NUP133: variants seen among roughly 807,000 people sequenced by gnomAD.
NUP133 encodes nucleoporin 133, also known as nuclear pore complex protein Nup133.
Under a neutral mutation model 146.2 loss-of-function variants are expected in NUP133, and 66 were observed. The ratio of observed to expected loss-of-function variants is 0.45; its 90% CI spans 0.37 to 0.55. The LOEUF (loss-of-function observed/expected upper bound fraction) is 0.55. Among genes scored for constraint, NUP133 ranks in the 20% least tolerant of loss-of-function variants. The pLI, the probability that NUP133 is intolerant of heterozygous loss-of-function variation, is 0.00. For synonymous variants in NUP133, 521 were observed against 498.8 expected, an observed-to-expected ratio of 1.04 and a Z score of -0.59; for missense variants, 1,277 against 1,374.8, an observed-to-expected ratio of 0.93 and a Z score of 1.12.
chr1:229,462,248 ATGC>A (rs1168526790), intron 19 of NUP133, among the ~76,000 whole-genome samples: 1 of 152,240 alleles, frequency 6.6e-6, no homozygotes, highest in African/African-American at 2.4e-5. Flanking sequence ...GCCATTAAAA[ATGC>A]TGCTGTAGAA....
At chr1:229,461,758 G>GA (rs1178993127) in intron 19 of NUP133, among the ~76,000 whole-genome samples, 7 of 150,930 alleles carry the variant, frequency 4.6e-5, no homozygotes, top group Non-Finnish European at 7.4e-5. Context: ...TTAAATATAA[G>GA]AAAAAATGCA....
chr1:229,507,431 G>A (rs1470921909), intron 1 of NUP133, among the ~76,000 whole-genome samples: 1 of 152,134 alleles, frequency 6.6e-6, no homozygotes, highest in Non-Finnish European at 1.5e-5. Context: ...TGTGTGTTGG[G>A]GGTGGGGAGG....
intron 25 of NUP133, among the ~76,000 whole-genome samples, chr1:229,443,676 C>T (rs115888913): frequency 0.013 from 1,901 of 151,020 alleles, 20 homozygotes; most frequent in African/African-American, 0.033. Flanking sequence ...AAAAACCGCA[C>T]GCCTTATATA....
intron 1 of NUP133, among the ~76,000 whole-genome samples, chr1:229,506,602 G>T (rs2102790174): frequency 6.6e-6 from 1 of 151,834 alleles, no homozygotes; most frequent in East Asian, 1.9e-4. Flanking sequence ...TCTAGCTTTA[G>T]GTGCTTAAGA....
intron 12 of NUP133, among the ~76,000 whole-genome samples, chr1:229,482,371 C>T (rs1021558338): frequency 6.6e-6 from 1 of 151,930 alleles, no homozygotes; most frequent in Non-Finnish European, 1.5e-5. Flanking sequence ...AAAGATCTGA[C>T]GATAAACTAA....
intron 6 of NUP133, among the ~76,000 whole-genome samples, chr1:229,497,069 T>A (rs1055635412): frequency 6.6e-6 from 1 of 152,234 alleles, no homozygotes. Flanking sequence ...TATACATGAC[T>A]GTTTTGTGTT....
chr1:229,504,584 T>C, intron 2 of NUP133, among the ~76,000 whole-genome samples: 1 of 152,216 alleles, frequency 6.6e-6, no homozygotes, highest in East Asian at 1.9e-4. Context: ...ACACAGCCTC[T>C]GGGATGCTAC....
At chr1:229,481,054 G>A (rs1347732096) in intron 12 of NUP133, among the ~76,000 whole-genome samples, 1 of 151,984 alleles carries the variant, frequency 6.6e-6, no homozygotes, top group Admixed American at 6.6e-5. Context: ...AATTCTGTTT[G>A]TAAGGAGTCT....
intron 19 of NUP133, among the ~76,000 whole-genome samples, chr1:229,461,887 CT>C (rs541886278): frequency 9.6e-4 from 138 of 144,026 alleles, no homozygotes; most frequent in Middle Eastern, 7.1e-3. Flanking sequence ...AACTACTGAC[CT>C]TTTTTTTTTT....
Position 229,508,168 on chromosome 1 carries a change from T to G in NUP133, c.82A>C (p.Thr28Pro). 1 of 1,592,280 alleles carries G rather than the reference T, an allele frequency of 6.3e-7. No homozygotes were observed. ...CCCTTCCTGCTAGCCGTCCGGGGCGTGGAGCCGGGCCCGAGTCCGGCCAGC... is the reference window on the plus strand; with the variant it reads ...CCCTTCCTGCTAGCCGTCCGGGGCGGGGAGCCGGGCCCGAGTCCGGCCAGC... ...GPLAGLGPGSTPRTASRKGLP... is the reference protein window; with the variant it reads ...GPLAGLGPGSPPRTASRKGLP... Residue 28 changes from threonine to proline, a missense_variant, in exon 1 of 26, where the codon ACG becomes CCG. By Grantham distance (38) the Thr-to-Pro change is conservative. Transcript: ENST00000261396.
At chr1:229,486,303 C>T (rs1661344411) in intron 11 of NUP133, 68 bp downstream of exon 11, 1 of 1,379,756 alleles carries the variant, frequency 7.2e-7, no homozygotes, top group Admixed American at 2.6e-5. Flanking sequence ...GCCTGGGTGA[C>T]AGCGTGAGAC....
intron 15 of NUP133, among the ~76,000 whole-genome samples, chr1:229,469,730 TA>T (rs1305453481): frequency 3.3e-5 from 5 of 152,196 alleles, no homozygotes; most frequent in Non-Finnish European, 7.3e-5. Context: ...CTTCTGGCCT[TA>T]TGGCAGGGCC....
At chr1:229,447,417 C>A (rs1660325076) in intron 24 of NUP133, among the ~76,000 whole-genome samples, 1 of 151,826 alleles carries the variant, frequency 6.6e-6, no homozygotes, top group African/African-American at 2.4e-5. Flanking sequence ...TTCTTCTTCA[C>A]CCCACTTCCT....
Position 229,463,567 on chromosome 1 carries a change from G to A in NUP133, c.2661C>T (p.Arg887=), listed in dbSNP as rs748084158. 5 of 1,613,966 alleles carry A rather than the reference G, an allele frequency of 3.1e-6. No homozygotes were observed. In the East Asian group the frequency reaches 6.7e-5, roughly 22 times the overall value. ...EQTDNQSRLQ[R]YMTQFADQNF... Reference sequence around the variant, plus strand: ...CCTGATCAGCAAACTGGGTCATGTAGCGCTGGAGTCGGCTCTGGTTGTCAG... The same window carrying A: ...CCTGATCAGCAAACTGGGTCATGTAACGCTGGAGTCGGCTCTGGTTGTCAG... The change falls in exon 19 of 26, where the codon CGC becomes CGT. Residue 887 remains arginine, a synonymous_variant. Coordinates refer to ENST00000261396, the MANE Select transcript of NUP133 (RefSeq NM_018230.3).
intron 21 of NUP133, among the ~76,000 whole-genome samples, chr1:229,457,585 GCAT>G (rs1660598443): frequency 6.6e-6 from 1 of 151,856 alleles, no homozygotes; most frequent in South Asian, 2.1e-4. Context: ...TTTAAAATTT[GCAT>G]TATTTTGTTT....
At chr1:229,455,496 G>C (rs1410825704) in intron 21 of NUP133, among the ~76,000 whole-genome samples, 1 of 152,228 alleles carries the variant, frequency 6.6e-6, no homozygotes, top group Non-Finnish European at 1.5e-5. Context: ...AGGAGTCCGA[G>C]GCTGCAGTGA....
In NUP133 at chr1:229,492,232, G is replaced by A. The variant is rs982482972; in HGVS notation, c.1047-2130C>T. On this transcript the variant is annotated intron_variant, in intron 8 of 25. Coordinates refer to ENST00000261396, the MANE Select transcript of NUP133 (RefSeq NM_018230.3). ...AGCAATTCTCCTGCCTCAGCCTCCCGAGTGGCTGGGATTACAGGCATGCGC... is the reference window on the plus strand; with the variant it reads ...AGCAATTCTCCTGCCTCAGCCTCCCAAGTGGCTGGGATTACAGGCATGCGC... Among the ~76,000 whole-genome samples the A allele has an allele frequency of 6.0e-5, 9 of 151,232 alleles. No homozygotes were observed. In the South Asian group the frequency reaches 6.3e-4, roughly 11 times the overall value.
intron 10 of NUP133, among the ~76,000 whole-genome samples, chr1:229,486,950 A>C (rs377524284): frequency 6.7e-6 from 1 of 149,152 alleles, no homozygotes; most frequent in Non-Finnish European, 1.5e-5. Context: ...GCACCTTAGT[A>C]ACATCCTACC....
chr1:229,491,798 C>T (rs1412304918), intron 8 of NUP133, among the ~76,000 whole-genome samples: 1 of 152,030 alleles, frequency 6.6e-6, no homozygotes, highest in Non-Finnish European at 1.5e-5. Context: ...TAATTTTAGG[C>T]CAGGCATAGT....
Sources: gnomAD v4.1 joint callset for allele counts (sites outside exome capture counted in the v4.1 genomes callset) on GRCh38, gnomAD v4.1.1 for gene constraint, MANE v1.5 for transcripts, NCBI Gene and HGNC (gene_info 2026-07-23, HGNC 2026-07-21) for gene names.